Variants in MYO1C observed in about 807,000 individuals in gnomAD.
MYO1C encodes the protein myosin IC.
MYO1C carries 104 observed loss-of-function variants against 150.8 expected under a neutral mutation model. The ratio of observed to expected loss-of-function variants is 0.69; its 90% CI spans 0.59 to 0.81. MYO1C has a LOEUF of 0.81. Ranked by LOEUF, MYO1C falls within the 30% of genes least tolerant of loss-of-function variation. The probability of loss-of-function intolerance (pLI) is 0.00; values close to 1 mark genes in which losing one functional copy is unlikely to be tolerated. For missense variants in MYO1C, 1,504 were observed against 1,435.0 expected (o/e 1.05, Z -0.78); for synonymous variants, 663 against 579.9 (o/e 1.14, Z -2.06).
chr17:1,471,196 C>A (rs2074295257), intron 20 of MYO1C, 27 bp downstream of exon 20: 9 of 1,613,864 alleles, frequency 5.6e-6, no homozygotes, highest in Non-Finnish European at 7.6e-6. Flanking sequence ...CCATTCCCCG[C>A]AGGCACCCGG....
rs769502363 is a variant in MYO1C at position 1,467,594 on chromosome 17, G to A, written c.2968-17C>T. The A allele has an allele frequency of 1.2e-5, 19 of 1,610,740 alleles. No individual in the cohort carries two copies. The East Asian group carries it at 4.0e-4, about 34-fold the overall frequency. On this transcript the variant is annotated splice_polypyrimidine_tract_variant and intron_variant, in intron 29 of 31. Coordinates refer to ENST00000648651, the MANE Select transcript of MYO1C (RefSeq NM_001080779.2). The stretch of plus-strand genomic sequence containing the variant: ...CACATCTCCCTGGGGGGCCAGGCAG[G>A]AGGAGGGGTCAGGCCCTGCCCAGAA...
intron 1 of MYO1C, among the ~76,000 whole-genome samples, chr17:1,487,378 GCCCCACCCCCAGCTCGCGGA>G (rs1424218064): frequency 2.0e-5 from 3 of 152,240 alleles, no homozygotes; most frequent in Admixed American, 2.0e-4. Flanking sequence ...AAGCCCCAGC[GCCCCACCCCCAGCTCGCGGA>G]CCCCGCTCCC....
chr17:1,468,554 G>A (rs1230965113), intron 25 of MYO1C, 58 bp from the exon 26 acceptor site: 2 of 1,411,062 alleles, frequency 1.4e-6, no homozygotes, highest in African/African-American at 1.4e-5. Flanking sequence ...TCTTGGGGGG[G>A]CAGAGCCAGC....
Position 1,470,037 on chromosome 17 carries a change from G to C in MYO1C, c.2526+138C>G, listed in dbSNP as rs373735240. On this transcript the variant is annotated intron_variant, in intron 24 of 31. Coordinates refer to ENST00000648651, the MANE Select transcript of MYO1C (RefSeq NM_001080779.2). ...GTGAGACTCCATCTCAAAAAAAAAA[G>C]AGACCTTACTTTTCACTGCTCAGCT... The C allele has an allele frequency of 1.3e-5, 12 of 896,722 alleles. No individual in the cohort carries two copies. The African/African-American group carries it at 1.6e-4, about 12-fold the overall frequency. The allele number at this position is 896,722 out of a possible 1,614,324, so 55.5% of individuals were successfully genotyped here.
In MYO1C at chr17:1,480,539, C is replaced by G; in HGVS notation, c.894G>C (p.Glu298Asp). 2.5e-6 allele frequency: 4 copies of G among 1,613,770 alleles called. No homozygotes were observed. The highest frequency in any genetic ancestry group is 3.4e-6 in the Non-Finnish European group (4 of 1,179,656). Residue 298 changes from glutamate to aspartate, a missense_variant, in exon 7 of 32, where the codon GAG (glutamate) becomes GAC (aspartate). Glu to Asp is a conservative substitution (Grantham distance 45). Transcript: ENST00000648651. ...GAAGAGGCCTCACCTCCACTTCATC[C>G]TCGGTGAAATCAATGACTGTCAGAG... ...RKALTVIDFT[E>D]DEVEDLLSIV...
chr17:1,467,417 C>A, intron 30 of MYO1C, 63 bp downstream of exon 30: 1 of 1,598,882 alleles, frequency 6.3e-7, no homozygotes, highest in Non-Finnish European at 8.5e-7. Flanking sequence ...CACCCTGTCC[C>A]TGGGTGCCCA....
chr17:1,489,626 G>A (rs1345456263), intron 1 of MYO1C, among the ~76,000 whole-genome samples: 2 of 152,232 alleles, frequency 1.3e-5, no homozygotes, highest in Non-Finnish European at 2.9e-5. Flanking sequence ...GCTGCAGTGA[G>A]CTGTGATGGT....
intron 31 of MYO1C, among the ~76,000 whole-genome samples, chr17:1,465,954 G>A (rs138892781): frequency 2.9e-3 from 441 of 150,518 alleles, no homozygotes; most frequent in African/African-American, 9.6e-3. Flanking sequence ...GGCGTGAGCC[G>A]CCGCACCCAG....
chr17:1,471,868 C>T (rs2150939550), intron 19 of MYO1C, 39 bp downstream of exon 19: 1 of 1,596,518 alleles, frequency 6.3e-7, no homozygotes, highest in South Asian at 1.1e-5. Context: ...CCTACCCTCC[C>T]GCTCCCCTTC....
rs2074146684 is a variant in MYO1C, at chr17:1,465,264, A to G, written c.*462T>C. The stretch of plus-strand genomic sequence containing the variant: ...ACAAGGTGCCAAGGGAATCAGGAGG[A>G]GAGGTGTCCTGGCCAGGGAAGAGGG... On this transcript the variant is annotated 3_prime_UTR_variant, in exon 32 of 32. Transcript: ENST00000648651. 6.5e-6 allele frequency: 1 copy of G among 153,778 alleles called. No homozygotes were observed. Among genetic ancestry groups the G allele is most frequent in the African/African-American group, 2.4e-5 (1 of 41,504 alleles). 9.5% of individuals were successfully genotyped at this position (153,778 alleles called of 1,614,324 possible). A position where few individuals can be genotyped will look rare whatever the true frequency, so the allele number is the denominator to read the frequency against.
chr17:1,468,477 G>A lies in MYO1C; in HGVS notation c.2630C>T (p.Ala877Val), dbSNP rs1189993867. 1 of 1,613,786 alleles carries A rather than the reference G, an allele frequency of 6.2e-7. No individual in the cohort carries two copies. The highest frequency in any genetic ancestry group is 8.5e-7 in the Non-Finnish European group (1 of 1,179,856). The change falls in exon 26 of 32, where the codon GCT becomes GTT. Residue 877 changes from alanine (A) to valine (V), a missense_variant. Coordinates refer to ENST00000648651, the MANE Select transcript of MYO1C (RefSeq NM_001080779.2). The part of the protein sequence containing the change: ...WKQQLQQKAV[A>V]SEIFKGKKDN... Reference sequence around the variant, plus strand: ...CTTCTTGCCCTTGAAGATCTCACTAGCCACGGCCTTCTGCTGCAGCTGAGG... The same window carrying A: ...CTTCTTGCCCTTGAAGATCTCACTAACCACGGCCTTCTGCTGCAGCTGAGG...
chr17:1,469,624 G>T lies in MYO1C; in HGVS notation c.2527-10C>A. On this transcript the variant is annotated splice_polypyrimidine_tract_variant and intron_variant, in intron 24 of 31. Transcript: ENST00000648651. The stretch of plus-strand genomic sequence containing the variant: ...GCAGAAGCTCTGAGGCCTAAGGGGA[G>T]GAGTGAGGTCAGAGGTCCTGGACAC... The T allele has an allele frequency of 6.2e-7, 1 of 1,604,986 alleles. No individual in the cohort carries two copies.
chr17:1,478,869 G>C lies in MYO1C; in HGVS notation c.1093-134C>G. The C allele has an allele frequency of 1.4e-6, 2 of 1,434,460 alleles. No homozygotes were observed. Among genetic ancestry groups the C allele is most frequent in the South Asian group, 1.2e-5 (1 of 82,642 alleles). The allele number at this position is 1,434,460 out of a possible 1,614,324, so 88.9% of individuals were successfully genotyped here. The stretch of plus-strand genomic sequence containing the variant: ...TCCAGCAAGCCTGCAGTATGGGGAG[G>C]GGTGCTGGTAGTGGGACCTCAGGGA... On this transcript the variant is annotated intron_variant, in intron 9 of 31. Transcript: ENST00000648651. The surrounding 1 kb of genome is among the most constrained non-coding windows in gnomAD (Gnocchi z 6.3).
chr17:1,485,559 C>G (rs1189855811), intron 1 of MYO1C: 2 of 693,832 alleles, frequency 2.9e-6, no homozygotes, highest in Non-Finnish European at 3.7e-6. Context: ...GCCTCCTCCC[C>G]CTGCAACTTC....
At chr17:1,470,041 CCTTA>C in intron 24 of MYO1C, 130 bp downstream of exon 24, 1 of 955,460 alleles carries the variant, frequency 1.0e-6, no homozygotes, top group Non-Finnish European at 1.5e-6. Flanking sequence ...AAAAAAGAGA[CCTTA>C]CTTTTCACTG....
chr17:1,467,955 G>A (rs745486089), intron 28 of MYO1C, 33 bp downstream of exon 28: 15 of 1,612,736 alleles, frequency 9.3e-6, no homozygotes, highest in African/African-American at 1.3e-5. Flanking sequence ...TCAGAGCAGG[G>A]CCCTCCCCCT....
At chr17:1,490,192 C>T (rs7218128) in intron 1 of MYO1C, among the ~76,000 whole-genome samples, 21,803 of 151,576 alleles carry the variant, frequency 0.14, 1,871 homozygotes, top group African/African-American at 0.23. Flanking sequence ...CAAGTAGTCA[C>T]GACCTGCTAA....
intron 31 of MYO1C, 33 bp downstream of exon 31, chr17:1,467,209 C>T (rs764463860): frequency 1.9e-6 from 3 of 1,580,268 alleles, no homozygotes; most frequent in Non-Finnish European, 2.6e-6. Flanking sequence ...CTATCACAGC[C>T]AGGCCATAAG....
intron 5 of MYO1C, 94 bp from the exon 6 acceptor site, chr17:1,480,979 C>A (rs1230022668): frequency 2.1e-6 from 3 of 1,422,714 alleles, no homozygotes; most frequent in African/African-American, 2.8e-5. Flanking sequence ...GCTTTGGCAG[C>A]CAGACCTGGA....
Sources: allele counts gnomAD v4.1 joint callset (sites outside exome capture counted in the v4.1 genomes callset), GRCh38; gene constraint gnomAD v4.1.1; non-coding constraint Gnocchi (gnomAD v3.1); transcripts MANE v1.5; gene names NCBI Gene and HGNC (gene_info 2026-07-23, HGNC 2026-07-21).